The following UFL1 variants were observed in gnomAD, a reference collection of about 807,000 sequenced individuals.
UFL1 encodes UFM1 specific ligase 1.
A neutral mutation model predicts 99.3 loss-of-function variants in UFL1; 78 were observed. The observed-to-expected ratio is 0.79, with a 90% CI of 0.65 to 0.95. The LOEUF (loss-of-function observed/expected upper bound fraction) is 0.95, where lower values mean the gene tolerates loss of function less well. UFL1 is among the 40% of genes least tolerant of loss of function. The pLI is 0.00. For missense variants in UFL1, 936 were observed against 937.0 expected, an observed-to-expected ratio of 1.00 and a Z score of 0.01; for synonymous variants, 335 against 322.2, an observed-to-expected ratio of 1.04 and a Z score of -0.42.
intron 16 of UFL1, 47 bp from the exon 17 acceptor site, chr6:96,551,791 A>C (rs775066410): frequency 1.6e-6 from 2 of 1,242,376 alleles, no homozygotes; most frequent in African/African-American, 3.1e-5. Flanking sequence ...ATACTTCCTT[A>C]TGCAGTTATA....
At position 96,553,292 on chromosome 6, in the gene UFL1, A is replaced by C; in HGVS notation, c.2174A>C (p.His725Pro). 2.5e-6 allele frequency: 4 copies of C among 1,613,204 alleles called. No homozygotes were observed. Among genetic ancestry groups the C allele is most frequent in the Non-Finnish European group, 3.4e-6 (4 of 1,179,574 alleles). ...TTCTTTCCCTTTTCACAGGATCAGC[A>C]TGCTCTTTTGGTAAAGTATCAAGGT... ...FLNSKIPEDQ[H>P]ALLVKYQGLV... Residue 725 changes from histidine (H) to proline (P), a missense_variant, in exon 19 of 19, where the codon CAT becomes CCT. By Grantham distance (77) the His-to-Pro change is moderately conservative. Transcript: ENST00000369278.
chr6:96,526,379 G>A lies in UFL1; in HGVS notation c.409G>A (p.Val137Ile). The A allele has an allele frequency of 6.2e-7, 1 of 1,613,632 alleles. No homozygotes were observed. Among genetic ancestry groups the A allele is most frequent in the Non-Finnish European group, 8.5e-7 (1 of 1,179,796 alleles). ...VNDKLQESGQ[V>I]TISELCKTYD... ...TGATAAATTGCAAGAAAGTGGTCAG[G>A]TCACCATATCAGAACTGTGTAAAAC... The change falls in exon 5 of 19, where the codon GTC becomes ATC. Residue 137 changes from valine (V) to isoleucine (I), a missense_variant. Physicochemically the swap from Val to Ile is conservative, Grantham distance 29. Transcript: ENST00000369278.
At chr6:96,539,681 A>T (rs1769903701) in intron 10 of UFL1, among the ~76,000 whole-genome samples, 1 of 151,582 alleles carries the variant, frequency 6.6e-6, no homozygotes, top group African/African-American at 2.4e-5. Flanking sequence ...GAAAGAATAA[A>T]TATAAATAAG....
chr6:96,538,836 T>A (rs1351096710), intron 10 of UFL1, 26 bp downstream of exon 10: 2 of 1,549,452 alleles, frequency 1.3e-6, no homozygotes, highest in Admixed American at 1.9e-5. Flanking sequence ...TTTTATCTGC[T>A]AATCTTAATA....
At position 96,525,363 on chromosome 6, in the gene UFL1, G is replaced by A. The variant is rs1271885451; in HGVS notation, c.319G>A (p.Val107Ile). The A allele has an allele frequency of 2.5e-6, 4 of 1,610,524 alleles. No individual in the cohort carries two copies. The highest frequency in any genetic ancestry group is 3.4e-6 in the Non-Finnish European group (4 of 1,178,644). ...TGACATTATTAAATCAGAAAAGCAT[G>A]TTCAGTTAGTGTTGGGACAACTGAT... ...IGDIIKSEKH[V>I]QLVLGQLIDE... The change falls in exon 4 of 19, where the codon GTT becomes ATT. Residue 107 changes from valine (V) to isoleucine (I), a missense_variant. Transcript: ENST00000369278.
In UFL1 at chr6:96,526,367, G is replaced by A. The variant is rs1400537767; in HGVS notation, c.397G>A (p.Glu133Lys). The A allele has an allele frequency of 6.2e-7, 1 of 1,613,590 alleles. No individual in the cohort carries two copies. Among genetic ancestry groups the A allele is most frequent in the Admixed American group, 1.7e-5 (1 of 59,978 alleles). The change falls in exon 5 of 19, where the codon GAA becomes AAA. Residue 133 changes from glutamate to lysine, a missense_variant. Transcript: ENST00000369278. Reference sequence around the variant, plus strand: ...AGAAGAGGTCAATGATAAATTGCAAGAAAGTGGTCAGGTCACCATATCAGA... The same window carrying A: ...AGAAGAGGTCAATGATAAATTGCAAAAAAGTGGTCAGGTCACCATATCAGA... ...LAEEVNDKLQ[E>K]SGQVTISELC...
At chr6:96,551,971 C>G (rs779844753) in intron 17 of UFL1, 48 bp downstream of exon 17, 6 of 1,366,692 alleles carry the variant, frequency 4.4e-6, no homozygotes, top group Non-Finnish European at 6.2e-6. Context: ...AATGTGGAGC[C>G]TTTCATATCT....
At chr6:96,535,102 A>C (rs1318976479) in intron 7 of UFL1, among the ~76,000 whole-genome samples, 1 of 152,014 alleles carries the variant, frequency 6.6e-6, no homozygotes, top group African/African-American at 2.4e-5. Context: ...AACTTTGTTC[A>C]GAATTTAGAA....
chr6:96,540,584 A>G lies in UFL1; in HGVS notation c.1208A>G (p.Gln403Arg), dbSNP rs1161096462. The G allele has an allele frequency of 3.7e-6, 6 of 1,607,408 alleles. No homozygotes were observed. The highest frequency in any genetic ancestry group is 5.1e-6 in the Non-Finnish European group (6 of 1,176,614). ...VHLITEEDLKQISTLESVSTS... is the reference protein window; with the variant it reads ...VHLITEEDLKRISTLESVSTS... ...TTAATCACTGAAGAAGATCTGAAAC[A>G]AATCTCCACTTTAGAAAGCGTTAGT... The change falls in exon 11 of 19, where the codon CAA becomes CGA. Residue 403 changes from glutamine (Q) to arginine (R), a missense_variant. Physicochemically the swap from Gln to Arg is conservative, Grantham distance 43 (BLOSUM62 1). Transcript: ENST00000369278.
chr6:96,551,611 T>G, intron 16 of UFL1, 98 bp downstream of exon 16: 2 of 931,860 alleles, frequency 2.1e-6, no homozygotes, highest in South Asian at 3.9e-5. Context: ...AAATCCAATC[T>G]AAAACTAGTA....
intron 10 of UFL1, 111 bp downstream of exon 10, chr6:96,538,921 T>C (rs533058254): frequency 1.0e-6 from 1 of 955,678 alleles, no homozygotes; most frequent in Non-Finnish European, 1.5e-6. Flanking sequence ...GTATCATTTA[T>C]TATTTTCCTT....
intron 13 of UFL1, among the ~76,000 whole-genome samples, 164 bp downstream of exon 13, chr6:96,548,445 A>C (rs558258335): frequency 6.6e-6 from 1 of 151,784 alleles, no homozygotes; most frequent in East Asian, 1.9e-4. Flanking sequence ...CTACAGTGGC[A>C]GTTTAATTCA....
chr6:96,552,742 C>A, intron 18 of UFL1, 80 bp downstream of exon 18: 1 of 1,305,704 alleles, frequency 7.7e-7, no homozygotes. Context: ...GAATTACTGT[C>A]AGCACTCAGG....
chr6:96,522,997 A>G (rs1769641773), intron 1 of UFL1, 149 bp from the exon 2 acceptor site: 2 of 647,496 alleles, frequency 3.1e-6, no homozygotes, highest in Non-Finnish European at 4.8e-6. Flanking sequence ...TAACTTATTG[A>G]ATCAGTTAGT....
rs938550511 is a variant in UFL1 at position 96,526,508 on chromosome 6, G to A, written c.465+73G>A. The A allele has an allele frequency of 5.5e-5, 66 of 1,208,858 alleles. 1 individual carries two copies. The highest frequency in any genetic ancestry group is 7.4e-5 in the Non-Finnish European group (62 of 836,998). 74.9% of individuals were successfully genotyped at this position (1,208,858 alleles called of 1,614,324 possible). ...TAAACGAAGACTTTGAATGGAAGGGGGAAAAAAAAATGAGACTTCCTCACC... is the reference window on the plus strand; with the variant it reads ...TAAACGAAGACTTTGAATGGAAGGGAGAAAAAAAAATGAGACTTCCTCACC... On this transcript the variant is annotated intron_variant, in intron 5 of 18. Transcript: ENST00000369278.
intron 5 of UFL1, 110 bp from the exon 6 acceptor site, chr6:96,528,392 A>G (rs1582437743): frequency 3.8e-6 from 5 of 1,306,904 alleles, no homozygotes; most frequent in Non-Finnish European, 5.2e-6. Context: ...AAACTTCTCA[A>G]TCACATGACT....
chr6:96,546,022 C>T (rs1013395350), intron 12 of UFL1, among the ~76,000 whole-genome samples: 2 of 151,136 alleles, frequency 1.3e-5, no homozygotes, highest in African/African-American at 4.8e-5. Context: ...CTAGCCAGAG[C>T]AGTCAGGCAA....
chr6:96,551,673 C>G (rs1770082284), intron 16 of UFL1, among the ~76,000 whole-genome samples, 160 bp downstream of exon 16: 1 of 151,922 alleles, frequency 6.6e-6, no homozygotes, highest in East Asian at 1.9e-4. Flanking sequence ...AAGCTGCTGG[C>G]ATTTTACCAT....
Position 96,528,540 on chromosome 6 carries a change from T to C in UFL1, c.504T>C (p.His168=). The change falls in exon 6 of 19, where the codon CAT becomes CAC. Residue 168 remains histidine, a synonymous_variant. Coordinates refer to ENST00000369278, the MANE Select transcript of UFL1 (RefSeq NM_015323.5). ...TQRLGRIISG[H]IDLDNRGVIF... Reference sequence around the variant, plus strand: ...GACTTGGTAGAATTATCAGTGGACATATTGATCTTGATAATAGAGGAGTAA... The same window carrying C: ...GACTTGGTAGAATTATCAGTGGACACATTGATCTTGATAATAGAGGAGTAA... 1 of 1,613,892 alleles carries C rather than the reference T, an allele frequency of 6.2e-7. No homozygotes were observed. The highest frequency in any genetic ancestry group is 8.5e-7 in the Non-Finnish European group (1 of 1,179,830).
Sources: allele counts gnomAD v4.1 joint callset (sites outside exome capture counted in the v4.1 genomes callset), GRCh38; gene constraint gnomAD v4.1.1; transcripts MANE v1.5; gene names NCBI Gene and HGNC (gene_info 2026-07-23, HGNC 2026-07-21).